Variants in TSC2 observed in about 807,000 individuals in gnomAD.
TSC2 encodes the protein tuberin.
Under a neutral mutation model 202.2 loss-of-function variants are expected in TSC2, and 29 were observed. The ratio of observed to expected loss-of-function variants is 0.14; its 90% CI spans 0.11 to 0.20. The LOEUF is 0.20. TSC2 is among the 10% of genes least tolerant of loss of function. TSC2 has a pLI of 1.00. For synonymous variants in TSC2, 1,349 were observed against 1,044.0 expected, an observed-to-expected ratio of 1.29 and a Z score of -5.63; for missense variants, 2,429 against 2,420.0, an observed-to-expected ratio of 1.00 and a Z score of -0.08.
chr16:2,055,933 T>C (rs536633494), intron 6 of TSC2: 15 of 581,520 alleles, frequency 2.6e-5, no homozygotes, highest in African/African-American at 2.4e-4. Flanking sequence ...CTATCTTCTG[T>C]TTAGCTCTCA....
intron 9 of TSC2, among the ~76,000 whole-genome samples, chr16:2,058,286 C>G (rs1279349933): frequency 6.6e-6 from 1 of 152,244 alleles, no homozygotes; most frequent in Non-Finnish European, 1.5e-5. Context: ...CCTGATTCCT[C>G]TTGCCAGCAG....
chr16:2,083,401 C>A, intron 32 of TSC2: 1 of 555,306 alleles, frequency 1.8e-6, no homozygotes. Flanking sequence ...GAGCGTCTTG[C>A]CCCTGCCTAC....
intron 5 of TSC2, chr16:2,055,100 C>T (rs375979686): frequency 3.0e-5 from 14 of 466,668 alleles, no homozygotes; most frequent in Middle Eastern, 6.2e-4. Flanking sequence ...GTGATGTCGG[C>T]GTCTCCCAGC....
In TSC2 at chr16:2,054,401, G is replaced by T; in HGVS notation, c.442G>T (p.Asp148Tyr). 1 of 1,614,234 alleles carries T rather than the reference G, an allele frequency of 6.2e-7. No individual in the cohort carries two copies. The highest frequency in any genetic ancestry group is 1.7e-5 in the Admixed American group (1 of 60,032). ...GCTGGAGGTTTTCAAGGCCCTCACA[G>T]ACAATGGGAGACACATCACCTACTT... ...ERLEVFKALT[D>Y]NGRHITYLEE... The change falls in exon 5 of 42, where the codon GAC becomes TAC. Residue 148 changes from aspartate (D) to tyrosine (Y), a missense_variant. Transcript: ENST00000219476.
rs2151297114 is a variant in TSC2, at chr16:2,071,549, C to T, written c.1879C>T (p.His627Tyr). The T allele has an allele frequency of 6.2e-7, 1 of 1,613,598 alleles. No individual in the cohort carries two copies. The highest frequency in any genetic ancestry group is 8.5e-7 in the Non-Finnish European group (1 of 1,180,026). Residue 627 changes from histidine to tyrosine, a missense_variant, in exon 18 of 42, where the codon CAC (histidine) becomes TAC (tyrosine). Physicochemically the swap from His to Tyr is moderately conservative, Grantham distance 83. Coordinates refer to ENST00000219476, the MANE Select transcript of TSC2 (RefSeq NM_000548.5). ...GTTGCTGCTGCGGGCCGACTCACTGCACCGCCTGGGCCTGCCCAACAAGGA... is the reference window on the plus strand; with the variant it reads ...GTTGCTGCTGCGGGCCGACTCACTGTACCGCCTGGGCCTGCCCAACAAGGA... ...FLLLLRADSL[H>Y]RLGLPNKDGV...
chr16:2,072,008 G>C (rs2088503842), intron 19 of TSC2, 74 bp downstream of exon 19: 20 of 1,504,890 alleles, frequency 1.3e-5, no homozygotes, highest in Non-Finnish European at 1.8e-5. Context: ...CTGCCTGCTG[G>C]GCCTCCCTCC....
chr16:2,062,081 G>A, intron 12 of TSC2, 73 bp downstream of exon 12: 1 of 1,600,574 alleles, frequency 6.2e-7, no homozygotes, highest in East Asian at 2.2e-5. Context: ...GTGAAGTGCA[G>A]CTTTCTGAGC....
Position 2,088,992 on chromosome 16 carries a change from G to C in TSC2, c.*382G>C, listed in dbSNP as rs1044559724. The stretch of plus-strand genomic sequence containing the variant: ...TCTGACATGCCTAGTCCTGCTACTT[G>C]CCCAGACCTGATGCCAGCAGGCCTG... On this transcript the variant is annotated 3_prime_UTR_variant, in exon 42 of 42. Transcript: ENST00000219476. 7.5e-6 allele frequency: 2 copies of C among 266,640 alleles called. No individual in the cohort carries two copies. Among genetic ancestry groups the C allele is most frequent in the African/African-American group, 4.5e-5 (2 of 44,772 alleles). The allele number at this position is 266,640 out of a possible 1,614,324, so 16.5% of individuals were successfully genotyped here.
Position 2,080,264 on chromosome 16 carries a change from C to T in TSC2, c.3497C>T (p.Pro1166Leu), listed in dbSNP as rs762650392. 11 of 1,612,876 alleles carry T rather than the reference C, an allele frequency of 6.8e-6. No homozygotes were observed. The highest frequency in any genetic ancestry group is 1.3e-5 in the African/African-American group (1 of 74,952). The change falls in exon 30 of 42, where the codon CCT (proline) becomes CTT (leucine). Residue 1166 changes from proline (P) to leucine (L), a missense_variant. By Grantham distance (98) the Pro-to-Leu change is moderately conservative. Coordinates refer to ENST00000219476, the MANE Select transcript of TSC2 (RefSeq NM_000548.5). ...PGPRTAPAAK[P>L]EKASAGTRVP... ...CCACGGACTGCACCAGCCGCGAAAC[C>T]TGAGAAGGCCTCAGCTGGCACCCGG...
At chr16:2,062,750 C>A in intron 13 of TSC2, 150 bp downstream of exon 13, 1 of 983,790 alleles carries the variant, frequency 1.0e-6, no homozygotes, top group Non-Finnish European at 1.6e-6. Flanking sequence ...CAGGTGCTAG[C>A]TTGCTTTCCA....
chr16:2,075,334 G>A, intron 22 of TSC2: 1 of 183,456 alleles, frequency 5.5e-6, no homozygotes, highest in South Asian at 9.9e-5. Flanking sequence ...GAGACCATCT[G>A]GCGAACACGG....
At chr16:2,054,980 A>T (rs988186349) in intron 5 of TSC2, 2 of 343,984 alleles carry the variant, frequency 5.8e-6, no homozygotes, top group Non-Finnish European at 1.1e-5. Context: ...GGTGCCGGCC[A>T]GGTGCCTACC....
chr16:2,057,428 G>A (rs2086012815), intron 9 of TSC2, among the ~76,000 whole-genome samples: 2 of 152,136 alleles, frequency 1.3e-5, no homozygotes, highest in Admixed American at 1.3e-4. Flanking sequence ...TCCTCCAGCG[G>A]TGCTCCCCAA....
At chr16:2,078,511 T>C (rs573101357) in intron 26 of TSC2, 1 of 203,072 alleles carries the variant, frequency 4.9e-6, no homozygotes, top group African/African-American at 2.4e-5. Context: ...GAGCAAAATA[T>C]TGCCTAGGGG....
At chr16:2,084,154 C>T (rs2090470096) in intron 33 of TSC2, 74 bp from the exon 34 acceptor site, 8 of 1,549,168 alleles carry the variant, frequency 5.2e-6, no homozygotes, top group African/African-American at 1.4e-5. Context: ...AGGGCCTCAC[C>T]ACCTCCAGGT....
At chr16:2,061,134 G>A (rs974575227) in intron 11 of TSC2, 2 of 421,646 alleles carry the variant, frequency 4.7e-6, no homozygotes, top group Admixed American at 3.5e-5. Context: ...GTTCCCAGAG[G>A]GATGCCAGTG....
chr16:2,084,093 GC>G, intron 33 of TSC2, 134 bp from the exon 34 acceptor site: 2 of 1,478,516 alleles, frequency 1.4e-6, no homozygotes, highest in Non-Finnish European at 1.8e-6. Flanking sequence ...ACGGGCGGGG[GC>G]CGTAGCCTGG....
chr16:2,060,523 C>T, intron 10 of TSC2, 147 bp from the exon 11 acceptor site: 2 of 1,377,296 alleles, frequency 1.5e-6, no homozygotes, highest in Non-Finnish European at 1.0e-6. Context: ...CTGGGCGCCC[C>T]ACCTGCTGTT....
intron 11 of TSC2, chr16:2,061,417 C>T: frequency 3.2e-6 from 1 of 317,182 alleles, no homozygotes; most frequent in Non-Finnish European, 6.2e-6. Flanking sequence ...TTGCCCCCGA[C>T]CGCTGGTGGC....
Sources: allele counts gnomAD v4.1 joint callset (sites outside exome capture counted in the v4.1 genomes callset), GRCh38; gene constraint gnomAD v4.1.1; transcripts MANE v1.5; gene names NCBI Gene and HGNC (gene_info 2026-07-23, HGNC 2026-07-21).